GP6: variants seen among roughly 807,000 people sequenced by gnomAD.
The protein encoded by GP6 is glycoprotein VI platelet.
Under a neutral mutation model 37.3 loss-of-function variants are expected in GP6, and 45 were observed. That is an observed-to-expected ratio of 1.21 (90% CI 0.95 to 1.55). The LOEUF is 1.55. Ranked by LOEUF, GP6 falls within the 40% of genes most tolerant of loss-of-function variation. The pLI, the probability that GP6 is intolerant of heterozygous loss-of-function variation, is 0.00. For synonymous variants in GP6, 340 were observed against 316.4 expected, an observed-to-expected ratio of 1.07 and a Z score of -0.79; for missense variants, 813 against 760.2, an observed-to-expected ratio of 1.07 and a Z score of -0.82.
rs185466535 is a variant in GP6 at position 55,025,059 on chromosome 19, C to A, written c.664+159G>T. 3.0e-3 allele frequency among the ~76,000 whole-genome samples: 451 copies of A among 152,264 alleles called. 8 individuals carry two copies. Among genetic ancestry groups the A allele is most frequent in the African/African-American group, 0.011 (437 of 41,544 alleles). On this transcript the variant is annotated intron_variant, in intron 5 of 7. Coordinates refer to ENST00000310373, the MANE Select transcript of GP6 (RefSeq NM_001083899.2). Reference sequence around the variant, plus strand: ...TCTTAACATCTAACTACTTAGGACACCCACCCTGTTTACAGGCAGAAATAA... The same window carrying A: ...TCTTAACATCTAACTACTTAGGACAACCACCCTGTTTACAGGCAGAAATAA...
At chr19:55,025,705 GA>G (rs201891998) in intron 4 of GP6, among the ~76,000 whole-genome samples, 1 of 140,078 alleles carries the variant, frequency 7.1e-6, no homozygotes, top group African/African-American at 2.7e-5. Context: ...GACTCCATCT[GA>G]AAAAAAAAGG....
intron 1 of GP6, 90 bp from the exon 2 acceptor site, chr19:55,032,628 T>TGCAA: frequency 8.1e-7 from 1 of 1,229,584 alleles, no homozygotes; most frequent in Non-Finnish European, 1.2e-6. Flanking sequence ...TTTGCATGCA[T>TGCAA]ATGCTTTACT....
chr19:55,035,434 C>T (rs1220702692), intron 1 of GP6, among the ~76,000 whole-genome samples: 1 of 152,168 alleles, frequency 6.6e-6, no homozygotes, highest in Non-Finnish European at 1.5e-5. Flanking sequence ...TAAATGTTCT[C>T]ACCGGCCGGG....
chr19:55,024,300 G>GCACACACACACACACGCA (rs369345826), intron 5 of GP6, among the ~76,000 whole-genome samples: 16 of 121,966 alleles, frequency 1.3e-4, no homozygotes, highest in Non-Finnish European at 8.7e-5. Flanking sequence ...ATGCACGCAT[G>GCACACACACACACACGCA]CACACACATA....
chr19:55,038,062 C>G, intron 1 of GP6, 141 bp downstream of exon 1: 1 of 742,700 alleles, frequency 1.3e-6, no homozygotes, highest in Non-Finnish European at 2.4e-6. Flanking sequence ...CCCCCCGTTT[C>G]CCCACCCAAC....
chr19:55,022,117 T>TA (rs760754125), intron 5 of GP6, among the ~76,000 whole-genome samples: 6 of 152,212 alleles, frequency 3.9e-5, no homozygotes, highest in Non-Finnish European at 8.8e-5. Flanking sequence ...ACTCTGATGA[T>TA]ACTTTCTTTT....
intron 5 of GP6, among the ~76,000 whole-genome samples, chr19:55,021,607 G>A (rs560718656): frequency 5.3e-4 from 71 of 132,936 alleles, no homozygotes; most frequent in Non-Finnish European, 9.1e-4. Flanking sequence ...TGCAACCTCC[G>A]CCTCCCGGGT....
At chr19:55,034,149 C>CGTGTGT (rs1568646806) in intron 1 of GP6, among the ~76,000 whole-genome samples, 15 of 72,010 alleles carry the variant, frequency 2.1e-4, no homozygotes, top group East Asian at 1.5e-3. Flanking sequence ...TATATGTATG[C>CGTGTGT]ATGTGTGTGT....
Position 55,014,139 on chromosome 19 carries a change from C to T in GP6, c.1806G>A (p.Thr602=), listed in dbSNP as rs775183932. 140 of 694,140 alleles carry T rather than the reference C, an allele frequency of 2.0e-4. No individual in the cohort carries two copies. Among genetic ancestry groups the T allele is most frequent in the African/African-American group, 1.1e-3 (64 of 57,096 alleles). 43.0% of individuals were successfully genotyped at this position (694,140 alleles called of 1,614,324 possible). A position where few individuals can be genotyped will look rare whatever the true frequency, so the allele number is the denominator to read the frequency against. Residue 602 remains threonine (T), a synonymous_variant, in exon 8 of 8, where the codon ACG becomes ACA. Transcript: ENST00000310373. The stretch of plus-strand genomic sequence containing the variant: ...TATTTTTTGAGACAAAGTCAGGCTT[C>T]GTCACCCGAGCTAGAGTGCAGTGGT...
chr19:55,024,549 C>T (rs548349382), intron 5 of GP6, among the ~76,000 whole-genome samples: 1 of 152,226 alleles, frequency 6.6e-6, no homozygotes, highest in South Asian at 2.1e-4. Flanking sequence ...TCCAGCCTAG[C>T]GTATGATATT....
chr19:55,018,861 A>G, intron 5 of GP6, 150 bp from the exon 6 acceptor site: 2 of 711,872 alleles, frequency 2.8e-6, no homozygotes, highest in Admixed American at 4.0e-5. Context: ...CGAAAGGTGT[A>G]AGACTTATCT....
rs1202023953 is a variant in GP6, at chr19:55,037,863, TCCAC to T, written c.34+336_34+339del. 3.3e-5 allele frequency among the ~76,000 whole-genome samples: 5 copies of T among 150,524 alleles called. No individual in the cohort carries two copies. In the East Asian group the frequency reaches 9.9e-4, roughly 30 times the overall value. ...GTCTTGAACTCCTGACCTCAGGTGA[TCCAC>T]CCACCTCGGCCTCCCAAGGTTGAGA... On this transcript the variant is annotated intron_variant, in intron 1 of 7. Coordinates refer to ENST00000310373, the MANE Select transcript of GP6 (RefSeq NM_001083899.2).
At chr19:55,034,730 C>T (rs1434869889) in intron 1 of GP6, among the ~76,000 whole-genome samples, 1 of 151,614 alleles carries the variant, frequency 6.6e-6, no homozygotes, top group Non-Finnish European at 1.5e-5. Flanking sequence ...CACACACACA[C>T]ACACACACAC....
At chr19:55,021,287 C>T (rs2074072498) in intron 5 of GP6, among the ~76,000 whole-genome samples, 2 of 149,974 alleles carry the variant, frequency 1.3e-5, no homozygotes, top group Non-Finnish European at 3.0e-5. Context: ...TTGCTTGAAC[C>T]TGGGAGGTGG....
At position 55,014,295 on chromosome 19, in the gene GP6, G is replaced by A; in HGVS notation, c.1650C>T (p.Tyr550=). ...ATTTTTGTGTTTTTTTGTTTTGTTG[G>A]TAGAGATGAGGTTTCACCATGTTGC... Residue 550 remains tyrosine (Y), a synonymous_variant, in exon 8 of 8, where the codon TAC becomes TAT. Transcript: ENST00000310373. 2.1e-6 allele frequency: 3 copies of A among 1,450,884 alleles called. No homozygotes were observed. The South Asian group carries it at 3.4e-5, about 16-fold the overall frequency. 89.9% of individuals were successfully genotyped at this position (1,450,884 alleles called of 1,614,324 possible).
chr19:55,033,411 G>A (rs1212880681), intron 1 of GP6, among the ~76,000 whole-genome samples: 10 of 131,302 alleles, frequency 7.6e-5, no homozygotes, highest in Admixed American at 2.3e-4. Flanking sequence ...GACACGGTGG[G>A]CTCGTTCGTG....
At chr19:55,018,416 TCCCGCCACAGC>T (rs1356542769) in intron 6 of GP6, among the ~76,000 whole-genome samples, 18 of 152,198 alleles carry the variant, frequency 1.2e-4, no homozygotes, top group African/African-American at 4.3e-4. Context: ...ATGGCGGTCG[TCCCGCCACAGC>T]CTTGGCTCCG....
At chr19:55,032,701 G>T in intron 1 of GP6, 163 bp from the exon 2 acceptor site, 1 of 776,724 alleles carries the variant, frequency 1.3e-6, no homozygotes, top group South Asian at 1.5e-5. Context: ...AAACCGGTCA[G>T]AAAAAGCCAC....
At chr19:55,024,898 G>T (rs1406384390) in intron 5 of GP6, among the ~76,000 whole-genome samples, 1 of 151,914 alleles carries the variant, frequency 6.6e-6, no homozygotes, top group Non-Finnish European at 1.5e-5. Context: ...TGGTTGGTTG[G>T]TTGGTTGGTT....
Sources: gnomAD v4.1 joint callset for allele counts (sites outside exome capture counted in the v4.1 genomes callset) on GRCh38, gnomAD v4.1.1 for gene constraint, MANE v1.5 for transcripts, NCBI Gene and HGNC (gene_info 2026-07-23, HGNC 2026-07-21) for gene names.